The following RBPJ variants were observed in gnomAD, a reference collection of about 807,000 sequenced individuals.
RBPJ encodes recombination signal binding protein for immunoglobulin kappa J region, also known as recombining binding protein suppressor of hairless.
A neutral mutation model predicts 67.8 loss-of-function variants in RBPJ; 9 were observed. The observed-to-expected ratio is 0.13, with a 90% confidence interval of 0.08 to 0.23. RBPJ has a LOEUF of 0.23. Ranked by LOEUF, RBPJ falls within the 10% of genes least tolerant of loss-of-function variation. The probability of loss-of-function intolerance (pLI) is 1.00; values close to 1 mark genes in which losing one functional copy is unlikely to be tolerated. For missense variants in RBPJ, 305 were observed against 595.6 expected, an observed-to-expected ratio of 0.51 and a Z score of 5.08; for synonymous variants, 198 against 203.3, an observed-to-expected ratio of 0.97 and a Z score of 0.22.
intron 1 of RBPJ, among the ~76,000 whole-genome samples, chr4:26,276,272 CAAAAAAAA>C (rs767611317): frequency 1.6e-5 from 1 of 64,358 alleles, no homozygotes; most frequent in Admixed American, 1.8e-4. Context: ...GACTCCATCT[CAAAAAAAA>C]AAAAAAAAGA....
At chr4:26,358,108 T>A (rs572196057) in intron 1 of RBPJ, among the ~76,000 whole-genome samples, 5 of 151,468 alleles carry the variant, frequency 3.3e-5, no homozygotes, top group Admixed American at 1.3e-4. Flanking sequence ...ATAATAAAAT[T>A]GAGTTTGATA....
rs1736184051 is a variant in RBPJ at position 26,431,155 on chromosome 4, A to G, written c.*148A>G. 6 of 319,362 alleles carry G rather than the reference A, an allele frequency of 1.9e-5. No homozygotes were observed. In the East Asian group the frequency reaches 2.9e-4, roughly 15 times the overall value. 19.8% of individuals were successfully genotyped at this position (319,362 alleles called of 1,614,324 possible). Reference sequence around the variant, plus strand: ...TCAAAAACCCCGTTGTCTCCCTGCAAGTGCTGATTTGAAATGCAGAAGCCA... The same window carrying G: ...TCAAAAACCCCGTTGTCTCCCTGCAGGTGCTGATTTGAAATGCAGAAGCCA... On this transcript the variant is annotated 3_prime_UTR_variant, in exon 11 of 11. Coordinates refer to ENST00000355476, the MANE Select transcript of RBPJ (RefSeq NM_015874.6).
At chr4:26,139,930 C>T in the RBPJ span, among the ~76,000 whole-genome samples, 1 of 152,212 alleles carries the variant, frequency 6.6e-6, no homozygotes, top group Non-Finnish European at 1.5e-5. Context: ...AGCCTCTGTT[C>T]TCTGGCTGTA....
intron 1 of RBPJ, among the ~76,000 whole-genome samples, chr4:26,172,061 G>C (rs1212798534): frequency 6.6e-6 from 1 of 152,240 alleles, no homozygotes; most frequent in Non-Finnish European, 1.5e-5. Context: ...GGCAGCGAAG[G>C]CTGGAAATCC....
At chr4:26,273,935 C>T (rs943493143) in intron 1 of RBPJ, among the ~76,000 whole-genome samples, 1 of 152,170 alleles carries the variant, frequency 6.6e-6, no homozygotes, top group African/African-American at 2.4e-5. Flanking sequence ...GTGTCTGTGT[C>T]TTCTCTGGTG....
At chr4:26,339,720 A>G (rs1725295383) in intron 1 of RBPJ, among the ~76,000 whole-genome samples, 1 of 151,922 alleles carries the variant, frequency 6.6e-6, no homozygotes, top group African/African-American at 2.4e-5. Context: ...GCATTCAAAA[A>G]GTTACATTAG....
intron 2 of RBPJ, among the ~76,000 whole-genome samples, chr4:26,397,696 C>T (rs550952170): frequency 7.9e-5 from 12 of 152,018 alleles, no homozygotes; most frequent in Non-Finnish European, 1.0e-4. Context: ...TGCAGTGGCG[C>T]GATCTTGCCT....
At chr4:26,315,268 T>C (rs1405097371), upstream of RBPJ, among the ~76,000 whole-genome samples, 1 of 148,346 alleles carries the variant, frequency 6.7e-6, no homozygotes, top group African/African-American at 2.5e-5. Flanking sequence ...CTATTTTCCC[T>C]AAGTGTTGGC....
the RBPJ span, among the ~76,000 whole-genome samples, chr4:26,111,258 C>A: frequency 6.6e-6 from 1 of 152,156 alleles, no homozygotes; most frequent in African/African-American, 2.4e-5. Context: ...GTCCCCCCAG[C>A]CCCAAGCTCT....
At chr4:26,114,478 CAT>C in the RBPJ span, among the ~76,000 whole-genome samples, 83 of 123,072 alleles carry the variant, frequency 6.7e-4, 2 homozygotes, top group South Asian at 1.1e-3. Context: ...AAAGAATGTA[CAT>C]ATATATATAT....
intron 1 of RBPJ, among the ~76,000 whole-genome samples, chr4:26,259,761 G>A (rs960590076): frequency 4.6e-5 from 7 of 152,168 alleles, no homozygotes; most frequent in African/African-American, 1.7e-4. Flanking sequence ...TTCAGTTAGA[G>A]CACAAACAAG....
At chr4:26,371,214 T>C (rs751982059) in intron 1 of RBPJ, among the ~76,000 whole-genome samples, 4 of 152,234 alleles carry the variant, frequency 2.6e-5, no homozygotes, top group African/African-American at 4.8e-5. Context: ...TAAATTGTAA[T>C]TGATCTAAAT....
intron 1 of RBPJ, among the ~76,000 whole-genome samples, chr4:26,255,295 T>A (rs563235665): frequency 1.7e-5 from 2 of 121,148 alleles, no homozygotes; most frequent in African/African-American, 7.4e-5. Context: ...TCCCAGCTAC[T>A]CGGGAGGCTG....
chr4:26,344,523 C>A (rs547110714), intron 1 of RBPJ, among the ~76,000 whole-genome samples: 2 of 152,328 alleles, frequency 1.3e-5, no homozygotes, highest in Admixed American at 6.5e-5. Context: ...GCGTGAGCCA[C>A]CGCGCCCGGC....
intron 1 of RBPJ, chr4:26,322,107 C>G (rs1369027856): frequency 6.5e-6 from 1 of 152,754 alleles, no homozygotes; most frequent in Non-Finnish European, 1.5e-5. Context: ...CCCCGGCCCC[C>G]GCCCCCCTCC....
intron 1 of RBPJ, among the ~76,000 whole-genome samples, chr4:26,279,399 G>GC (rs1721184266): frequency 1.3e-5 from 2 of 152,202 alleles, no homozygotes; most frequent in African/African-American, 4.8e-5. Flanking sequence ...TCCTGTCTCA[G>GC]CCCCCCGAGT....
chr4:26,362,732 A>G, intron 1 of RBPJ: 1 of 897,138 alleles, frequency 1.1e-6, no homozygotes. Context: ...GTATTTAGTT[A>G]TTACATATTT....
chr4:26,269,842 C>T (rs745519278), intron 1 of RBPJ, among the ~76,000 whole-genome samples: 2 of 151,916 alleles, frequency 1.3e-5, no homozygotes, highest in Non-Finnish European at 2.9e-5. Flanking sequence ...AAACTGGCAA[C>T]CCAAATTACT....
intron 1 of RBPJ, among the ~76,000 whole-genome samples, chr4:26,281,272 TTTTG>T (rs998888313): frequency 6.6e-6 from 1 of 152,136 alleles, no homozygotes; most frequent in East Asian, 1.9e-4. Context: ...TCTGCAGTTT[TTTTG>T]TTTGTTTGTT....
Sources: allele counts gnomAD v4.1 joint callset (sites outside exome capture counted in the v4.1 genomes callset), GRCh38; gene constraint gnomAD v4.1.1; transcripts MANE v1.5; gene names NCBI Gene and HGNC (gene_info 2026-07-23, HGNC 2026-07-21).